Variants in REG1B observed in about 807,000 individuals in gnomAD.
REG1B encodes lithostathine-1-beta.
REG1B carries 21 observed loss-of-function variants against 20.4 expected under a neutral mutation model. That is an observed-to-expected ratio of 1.03 (90% CI 0.73 to 1.48). The LOEUF (loss-of-function observed/expected upper bound fraction) is 1.48. Ranked by LOEUF, REG1B falls within the 40% of genes most tolerant of loss-of-function variation. REG1B has a pLI of 0.00. For synonymous variants in REG1B, 82 were observed against 73.4 expected, an observed-to-expected ratio of 1.12 and a Z score of -0.60; for missense variants, 247 against 197.2, an observed-to-expected ratio of 1.25 and a Z score of -1.51.
rs201376629 is a variant in REG1B, at chr2:79,087,620, G to A, written c.-8C>T. ...CGAGTTGGTCTGAGCCATGCTTAGC[G>A]GCAGTGAATCTCTTGCTTAAGGAGC... On this transcript the variant is annotated 5_prime_UTR_variant, in exon 2 of 6. Transcript: ENST00000305089. 59 of 1,613,584 alleles carry A rather than the reference G, an allele frequency of 3.7e-5. No individual in the cohort carries two copies. The highest frequency in any genetic ancestry group is 3.3e-4 in the Middle Eastern group (2 of 6,052).
intron 2 of REG1B, 29 bp from the exon 3 acceptor site, chr2:79,086,959 G>A (rs1357698145): frequency 1.9e-6 from 3 of 1,579,806 alleles, no homozygotes; most frequent in Non-Finnish European, 2.6e-6. Flanking sequence ...AGATAATTAA[G>A]AAAGAATCGC....
chr2:79,086,657 C>G lies in REG1B; in HGVS notation c.184-153G>C, dbSNP rs139467714. ...CAGCATCTCTGTGCTGGGAATGTGT[C>G]AAATGATGGGATAAAGTAGATTGGG... On this transcript the variant is annotated intron_variant, in intron 3 of 5. Transcript: ENST00000305089. The G allele has an allele frequency of 1.4e-5, 18 of 1,310,006 alleles. No individual in the cohort carries two copies. In the African/African-American group the frequency reaches 2.2e-4, roughly 16 times the overall value. 81.1% of individuals were successfully genotyped at this position (1,310,006 alleles called of 1,614,324 possible).
rs759046126 is a variant in REG1B, at chr2:79,086,451, C to T, written c.237G>A (p.Ala79=). ...TCAGTGAGGCCACGAAGGCACCCTCCGCCTGGGTGAGCACAGACACCAGGT... is the reference window on the plus strand; with the variant it reads ...TCAGTGAGGCCACGAAGGCACCCTCTGCCTGGGTGAGCACAGACACCAGGT... ...SGNLVSVLTQ[A]EGAFVASLIK... Residue 79 remains alanine (A), a synonymous_variant, in exon 4 of 6, where the codon GCG becomes GCA. Coordinates refer to ENST00000305089, the MANE Select transcript of REG1B (RefSeq NM_006507.4). 2.0e-5 allele frequency: 32 copies of T among 1,613,916 alleles called. No homozygotes were observed. The highest frequency in any genetic ancestry group is 5.0e-5 in the Admixed American group (3 of 59,984).
intron 2 of REG1B, chr2:79,087,300 T>A (rs913496169): frequency 2.5e-5 from 14 of 553,530 alleles, no homozygotes; most frequent in Non-Finnish European, 4.2e-5. Flanking sequence ...CAAACTGCCA[T>A]CGCATATAGA....
In REG1B at chr2:79,086,912, T is replaced by C; in HGVS notation, c.83A>G (p.Glu28Gly). Reference sequence around the variant, plus strand: ...GCAGCTGATTCGGGGATTAGGCAGCTCTGTCTGGGACTCCTGGCCTGGGGA... The same window carrying C: ...GCAGCTGATTCGGGGATTAGGCAGCCCTGTCTGGGACTCCTGGCCTGGGGA... The part of the protein sequence containing the change: ...SLSQGQESQT[E>G]LPNPRISCPE... The change falls in exon 3 of 6, where the codon GAG becomes GGG. Residue 28 changes from glutamate to glycine, a missense_variant. Coordinates refer to ENST00000305089, the MANE Select transcript of REG1B (RefSeq NM_006507.4). 1 of 1,613,648 alleles carries C rather than the reference T, an allele frequency of 6.2e-7. No individual in the cohort carries two copies. Among genetic ancestry groups the C allele is most frequent in the Admixed American group, 1.7e-5 (1 of 59,964 alleles).
At chr2:79,085,860 G>T in intron 4 of REG1B, 1 of 302,866 alleles carries the variant, frequency 3.3e-6, no homozygotes, top group East Asian at 6.9e-5. Flanking sequence ...CCATTAAAGA[G>T]AGTGGTTTCT....
At chr2:79,086,193 T>G (rs1372920048) in intron 4 of REG1B, 174 bp downstream of exon 4, 2 of 658,214 alleles carry the variant, frequency 3.0e-6, no homozygotes, top group African/African-American at 1.8e-5. Flanking sequence ...TCAGCTCATG[T>G]CTCTAACTAC....
chr2:79,086,287 T>G (rs1487132544), intron 4 of REG1B, 80 bp downstream of exon 4: 1 of 1,429,436 alleles, frequency 7.0e-7, no homozygotes, highest in African/African-American at 1.4e-5. Flanking sequence ...TAAAAGTTGG[T>G]GATTGCGGTG....
chr2:79,087,924 G>A (rs746627305), intron 1 of REG1B, 35 bp downstream of exon 1: 11 of 269,582 alleles, frequency 4.1e-5, no homozygotes, highest in African/African-American at 8.7e-5. Context: ...AAAATCCCAC[G>A]TTAGACATGC....
chr2:79,087,405 G>A lies in REG1B; in HGVS notation c.64+144C>T, dbSNP rs556305217. On this transcript the variant is annotated intron_variant, in intron 2 of 5. Coordinates refer to ENST00000305089, the MANE Select transcript of REG1B (RefSeq NM_006507.4). ...GAATGAGGTGAGGGTGTTTTTGAAT[G>A]GGATAAAATCAGCCATAATGATCAC... 5.3e-6 allele frequency: 4 copies of A among 758,750 alleles called. No individual in the cohort carries two copies. The African/African-American group carries it at 7.1e-5, about 13-fold the overall frequency. The allele number at this position is 758,750 out of a possible 1,614,324, so 47.0% of individuals were successfully genotyped here.
chr2:79,087,024 G>A, intron 2 of REG1B, 94 bp from the exon 3 acceptor site: 1 of 961,666 alleles, frequency 1.0e-6, no homozygotes, highest in Non-Finnish European at 1.7e-6. Flanking sequence ...TCCTTTATAA[G>A]AACATATGGA....
rs1349706286 is a variant in REG1B, at chr2:79,087,671, A to G, written c.-46-13T>C. 6.5e-7 allele frequency: 1 copy of G among 1,548,220 alleles called. No homozygotes were observed. The highest frequency in any genetic ancestry group is 1.4e-5 in the African/African-American group (1 of 73,644). ...AAATCAGCAATCTCTGTAGGAGAAC[A>G]CAGGGAAGAGGGTTTGAAGAAGAGA... is the stretch of plus-strand genomic sequence containing the variant. On this transcript the variant is annotated splice_polypyrimidine_tract_variant and intron_variant, in intron 1 of 5. Transcript: ENST00000305089.
At position 79,086,401 on chromosome 2, in the gene REG1B, C is replaced by A. The variant is rs749357732; in HGVS notation, c.287G>T (p.Ser96Ile). Reference sequence around the variant, plus strand: ...GTCATGGAGGCCAATCCAGACATTGCTGTCATCAGTGCTACTCTCCTTAAT... The same window carrying A: ...GTCATGGAGGCCAATCCAGACATTGATGTCATCAGTGCTACTCTCCTTAAT... ...SLIKESSTDD[S>I]NVWIGLHDPK... Residue 96 changes from serine (S) to isoleucine (I), a missense_variant, in exon 4 of 6, where the codon AGC becomes ATC. By Grantham distance (142) the Ser-to-Ile change is moderately radical (BLOSUM62 -2). Coordinates refer to ENST00000305089, the MANE Select transcript of REG1B (RefSeq NM_006507.4). 6.2e-7 allele frequency: 1 copy of A among 1,614,098 alleles called. No individual in the cohort carries two copies. The highest frequency in any genetic ancestry group is 1.1e-5 in the South Asian group (1 of 91,080).
At position 79,085,159 on chromosome 2, in the gene REG1B, T is replaced by C; in HGVS notation, c.*57A>G. Reference sequence around the variant, plus strand: ...GAGTTGGAGACATAGTCTAGTTTAATTTTTGACTTCATAGTAATTGCAGGA... The same window carrying C: ...GAGTTGGAGACATAGTCTAGTTTAACTTTTGACTTCATAGTAATTGCAGGA... On this transcript the variant is annotated 3_prime_UTR_variant, in exon 6 of 6. Coordinates refer to ENST00000305089, the MANE Select transcript of REG1B (RefSeq NM_006507.4). 7.8e-7 allele frequency: 1 copy of C among 1,290,122 alleles called. No individual in the cohort carries two copies. Among genetic ancestry groups the C allele is most frequent in the Non-Finnish European group, 1.1e-6 (1 of 885,722 alleles). 79.9% of individuals were successfully genotyped at this position (1,290,122 alleles called of 1,614,324 possible). A position where few individuals can be genotyped will look rare whatever the true frequency, so the allele number is the denominator to read the frequency against.
chr2:79,087,620 G>C lies in REG1B; in HGVS notation c.-8C>G. 6.2e-7 allele frequency: 1 copy of C among 1,613,584 alleles called. No homozygotes were observed. The highest frequency in any genetic ancestry group is 1.7e-5 in the Admixed American group (1 of 59,918). On this transcript the variant is annotated 5_prime_UTR_variant, in exon 2 of 6. Transcript: ENST00000305089. ...CGAGTTGGTCTGAGCCATGCTTAGC[G>C]GCAGTGAATCTCTTGCTTAAGGAGC...
At chr2:79,087,688 A>T in intron 1 of REG1B, 30 bp from the exon 2 acceptor site, 4 of 1,446,798 alleles carry the variant, frequency 2.8e-6, no homozygotes, top group Non-Finnish European at 3.8e-6. Context: ...AGAGGGTTTG[A>T]AGAAGAGAGC....
At chr2:79,086,978 G>C in intron 2 of REG1B, 48 bp from the exon 3 acceptor site, 1 of 1,482,318 alleles carries the variant, frequency 6.7e-7, no homozygotes, top group Non-Finnish European at 9.4e-7. Context: ...GCAGGGCAAG[G>C]AAAAGGCTGG....
rs1300088593 is a variant in REG1B at position 79,087,534 on chromosome 2, G to C, written c.64+15C>G. The C allele has an allele frequency of 1.9e-6, 3 of 1,613,134 alleles. No individual in the cohort carries two copies. The highest frequency in any genetic ancestry group is 2.5e-6 in the Non-Finnish European group (3 of 1,179,370). ...TCAGAGTTGGGGTTGTGGGAAGTGTGGGGGAAAATCTCACCTTGGCTCAGA... is the reference window on the plus strand; with the variant it reads ...TCAGAGTTGGGGTTGTGGGAAGTGTCGGGGAAAATCTCACCTTGGCTCAGA... On this transcript the variant is annotated intron_variant, in intron 2 of 5. Transcript: ENST00000305089.
Position 79,085,347 on chromosome 2 carries a change from A to G in REG1B, c.434-64T>C, listed in dbSNP as rs1672382086. ...AAGGAGTGTAGCCCCTCCTCAACCT[A>G]GGACTCAGAACAAAAAACTAGAGGA... On this transcript the variant is annotated intron_variant, in intron 5 of 5. Coordinates refer to ENST00000305089, the MANE Select transcript of REG1B (RefSeq NM_006507.4). 6.4e-6 allele frequency: 9 copies of G among 1,412,924 alleles called. No individual in the cohort carries two copies. In the South Asian group the frequency reaches 6.9e-5, roughly 11 times the overall value. 87.5% of individuals were successfully genotyped at this position (1,412,924 alleles called of 1,614,324 possible).
Sources: allele counts gnomAD v4.1 joint callset, GRCh38; gene constraint gnomAD v4.1.1; transcripts MANE v1.5; gene names NCBI Gene and HGNC (gene_info 2026-07-23, HGNC 2026-07-21).